SHROOM3: variants seen among roughly 807,000 people sequenced by gnomAD.
SHROOM3 encodes the protein shroom family member 3.
SHROOM3 carries 47 observed loss-of-function variants against 138.6 expected under a neutral mutation model. The ratio of observed to expected loss-of-function variants is 0.34; its 90% CI spans 0.27 to 0.43. The LOEUF (loss-of-function observed/expected upper bound fraction) is 0.43. Among genes scored for constraint, SHROOM3 ranks in the 20% least tolerant of loss-of-function variants. The probability of loss-of-function intolerance (pLI) is 1.00; values close to 1 mark genes in which losing one functional copy is unlikely to be tolerated. For missense variants in SHROOM3, 2,491 were observed against 2,596.5 expected (o/e 0.96, Z 0.88); for synonymous variants, 1,062 against 1,063.3 (o/e 1.00, Z 0.02).
At chr4:76,606,667 C>T (rs1051874640) in intron 2 of SHROOM3, among the ~76,000 whole-genome samples, 1 of 152,134 alleles carries the variant, frequency 6.6e-6, no homozygotes, top group Non-Finnish European at 1.5e-5. Context: ...CACACCACTC[C>T]ACTCCAGCCT....
At chr4:76,639,185 G>A (rs763142534) in intron 2 of SHROOM3, among the ~76,000 whole-genome samples, 4 of 152,154 alleles carry the variant, frequency 2.6e-5, no homozygotes, top group Non-Finnish European at 4.4e-5. Flanking sequence ...TAACCCCAAT[G>A]GAACAATCCA....
At chr4:76,737,304 A>C (rs1721102526) in intron 4 of SHROOM3, among the ~76,000 whole-genome samples, 1 of 149,236 alleles carries the variant, frequency 6.7e-6, no homozygotes, top group East Asian at 2.0e-4. Flanking sequence ...TCCATTGTGT[A>C]GATATACCAC....
chr4:76,525,861 C>T (rs1732678213), intron 1 of SHROOM3, among the ~76,000 whole-genome samples: 1 of 152,142 alleles, frequency 6.6e-6, no homozygotes, highest in Non-Finnish European at 1.5e-5. Flanking sequence ...CCACATGTCA[C>T]ATTCAAAAAA....
intron 2 of SHROOM3, among the ~76,000 whole-genome samples, chr4:76,646,611 C>T (rs1257040456): frequency 6.6e-6 from 1 of 152,114 alleles, no homozygotes; most frequent in Non-Finnish European, 1.5e-5. Context: ...AGGACAGCCA[C>T]TTACCTTGCT....
chr4:76,496,583 C>T (rs1731972561), intron 1 of SHROOM3, among the ~76,000 whole-genome samples: 1 of 152,188 alleles, frequency 6.6e-6, no homozygotes. Context: ...GAGTTCCACC[C>T]TTATTGGATC....
intron 1 of SHROOM3, among the ~76,000 whole-genome samples, chr4:76,453,821 T>G (rs187560475): frequency 3.9e-5 from 6 of 152,344 alleles, no homozygotes; most frequent in Non-Finnish European, 5.9e-5. Flanking sequence ...TCTCCCATTC[T>G]GTGGACTGCC....
In SHROOM3 at chr4:76,730,811, G is replaced by A; in HGVS notation, c.463G>A (p.Glu155Lys). ...CCTCCTGTGTCTCCCCAGGCGCAGT[G>A]AGCCTGCAGGCCGACCTCACTCGTG... ...VKLRLKHRRS[E>K]PAGRPHSWHT... Residue 155 changes from glutamate (E) to lysine (K), a missense_variant, in exon 4 of 11, where the codon GAG (glutamate) becomes AAG (lysine). Physicochemically the swap from Glu to Lys is moderately conservative, Grantham distance 56. Around this residue, in one of 4 missense-constraint regions of SHROOM3, gnomAD observed 284 missense variants for 322.8 expected, o/e 0.88. Transcript: ENST00000296043. 6.2e-7 allele frequency: 1 copy of A among 1,614,050 alleles called. No homozygotes were observed. Among genetic ancestry groups the A allele is most frequent in the Non-Finnish European group, 8.5e-7 (1 of 1,179,998 alleles).
chr4:76,505,353 G>A (rs1390047046), intron 1 of SHROOM3, among the ~76,000 whole-genome samples: 1 of 152,072 alleles, frequency 6.6e-6, no homozygotes, highest in East Asian at 1.9e-4. Context: ...ACCATGAATA[G>A]GTATTGAATT....
chr4:76,741,726 C>T lies in SHROOM3; in HGVS notation c.3553C>T (p.Arg1185Cys), dbSNP rs749385053. ...AGGRRLGERR[R>C]GDLLSGANGG... Reference sequence around the variant, plus strand: ...TGGCCGCCGCCTCGGGGAACGGCGACGCGGGGACCTGCTTAGCGGAGCAAA... The same window carrying T: ...TGGCCGCCGCCTCGGGGAACGGCGATGCGGGGACCTGCTTAGCGGAGCAAA... Residue 1185 changes from arginine (R) to cysteine (C), a missense_variant, in exon 5 of 11, where the codon CGC (arginine) becomes TGC (cysteine). Arg to Cys is a radical substitution (Grantham distance 180). Around this residue, in one of 4 missense-constraint regions of SHROOM3, gnomAD observed 1,733 missense variants for 1,661.6 expected, o/e 1.04. Coordinates refer to ENST00000296043, the MANE Select transcript of SHROOM3 (RefSeq NM_020859.4). This position sits in a 1 kb window ranked among gnomAD's most constrained non-coding sequence, Gnocchi z 6.2. The T allele has an allele frequency of 1.5e-5, 24 of 1,556,676 alleles. No homozygotes were observed. Among genetic ancestry groups the T allele is most frequent in the Middle Eastern group, 1.7e-4 (1 of 6,012 alleles).
In SHROOM3 at chr4:76,576,194, A is replaced by T. The variant is rs553187229; in HGVS notation, c.323+20431A>T. Among the ~76,000 whole-genome samples, 29 of 152,194 alleles carry T rather than the reference A, an allele frequency of 1.9e-4. No homozygotes were observed. In the South Asian group the frequency reaches 5.8e-3, roughly 30 times the overall value. On this transcript the variant is annotated intron_variant, in intron 2 of 10. Transcript: ENST00000296043. ...ATCAGTACCTCTAAGAGGTATCTGG[A>T]CTCCTGTGTTTGTTGCAACATTCTT...
At chr4:76,499,771 T>C (rs151004159) in intron 1 of SHROOM3, among the ~76,000 whole-genome samples, 215 of 152,214 alleles carry the variant, frequency 1.4e-3, no homozygotes, top group South Asian at 3.7e-3. Context: ...TCGAGAGGTT[T>C]TTAGAAGGGT....
chr4:76,667,095 G>C (rs182916154), intron 2 of SHROOM3, among the ~76,000 whole-genome samples: 1 of 152,278 alleles, frequency 6.6e-6, no homozygotes. Flanking sequence ...GACAATTATT[G>C]TTCAGTGTGT....
At chr4:76,615,689 G>A (rs376752233) in intron 2 of SHROOM3, among the ~76,000 whole-genome samples, 99 of 152,264 alleles carry the variant, frequency 6.5e-4, no homozygotes, top group African/African-American at 2.3e-3. Context: ...GGCCAGGTCT[G>A]GAAAGTCGGA....
intron 6 of SHROOM3, among the ~76,000 whole-genome samples, chr4:76,753,286 C>A (rs1241068953): frequency 6.6e-6 from 1 of 152,200 alleles, no homozygotes; most frequent in Non-Finnish European, 1.5e-5. Flanking sequence ...ATGAGAAGAG[C>A]TAATTTGGTT....
intron 5 of SHROOM3, among the ~76,000 whole-genome samples, chr4:76,748,231 G>C (rs1721505552): frequency 6.6e-6 from 1 of 152,110 alleles, no homozygotes; most frequent in African/African-American, 2.4e-5. Flanking sequence ...CCATTGGGCA[G>C]GGTTAAATGG....
At chr4:76,541,966 C>T (rs60361068) in intron 1 of SHROOM3, among the ~76,000 whole-genome samples, 17,136 of 152,084 alleles carry the variant, frequency 0.11, 1,065 homozygotes, top group East Asian at 0.16. Flanking sequence ...CTCATTCTCC[C>T]TCCATAAGGA....
rs920631616 is a variant in SHROOM3 at position 76,570,181 on chromosome 4, A to G, written c.323+14418A>G. 2.6e-5 allele frequency among the ~76,000 whole-genome samples: 4 copies of G among 151,836 alleles called. 1 individual carries two copies. Among genetic ancestry groups the G allele is most frequent in the South Asian group, 4.2e-4 (2 of 4,790 alleles). On this transcript the variant is annotated intron_variant, in intron 2 of 10. Transcript: ENST00000296043. Reference sequence around the variant, plus strand: ...AACACACACACACACACACACACACACACGCACACCAGTACTTCTCAGCCT... The same window carrying G: ...AACACACACACACACACACACACACGCACGCACACCAGTACTTCTCAGCCT...
chr4:76,589,720 G>T (rs1261767897), intron 2 of SHROOM3, among the ~76,000 whole-genome samples: 2 of 152,176 alleles, frequency 1.3e-5, no homozygotes, highest in Non-Finnish European at 2.9e-5. Context: ...GCCCTCCAGG[G>T]GCGGGGGTCC....
chr4:76,444,488 T>C (rs1388888317), intron 1 of SHROOM3, among the ~76,000 whole-genome samples: 3 of 116,968 alleles, frequency 2.6e-5, no homozygotes, highest in African/African-American at 3.4e-5. Context: ...TTCTTTCTTT[T>C]TTTTTTTTTT....
Sources: allele counts gnomAD v4.1 joint callset (sites outside exome capture counted in the v4.1 genomes callset), GRCh38; gene constraint gnomAD v4.1.1; regional missense constraint gnomAD v4.1.1; non-coding constraint Gnocchi (gnomAD v3.1); transcripts MANE v1.5; gene names NCBI Gene and HGNC (gene_info 2026-07-23, HGNC 2026-07-21).